Variants in CADM2 observed in about 807,000 individuals in gnomAD.
CADM2 encodes the protein cell adhesion molecule 2, also known as immunoglobulin superfamily member 4D.
A neutral mutation model predicts 49.8 loss-of-function variants in CADM2; 12 were observed. That is an observed-to-expected ratio of 0.24 (90% CI 0.15 to 0.39). The LOEUF is 0.39. Ranked by LOEUF, CADM2 falls within the 10% of genes least tolerant of loss-of-function variation. The probability of loss-of-function intolerance (pLI) is 1.00; values close to 1 mark genes in which losing one functional copy is unlikely to be tolerated. For missense variants in CADM2, 378 were observed against 492.3 expected (o/e 0.77, Z 2.20); for synonymous variants, 214 against 175.4 (o/e 1.22, Z -1.74).
At chr3:85,487,533 TGGAGGAGGAGGACGA>T (rs1182607894) in intron 1 of CADM2, among the ~76,000 whole-genome samples, 2 of 128,726 alleles carry the variant, frequency 1.6e-5, no homozygotes, top group African/African-American at 6.1e-5. Context: ...AAGGAGGAAG[TGGAGGAGGAGGACGA>T]GGAGGAGGAG....
At position 86,044,485 on chromosome 3, in the gene CADM2, A is replaced by G. The variant is rs1204961144; in HGVS notation, c.971-21120A>G. On this transcript the variant is annotated intron_variant, in intron 8 of 9. Transcript: ENST00000383699. ...ATGCTCATCATCACTGGCCATCAGA[A>G]AAATGCAAATCAAAACCACAATGAG... Among the ~76,000 whole-genome samples, 8 of 152,278 alleles carry G rather than the reference A, an allele frequency of 5.3e-5. No homozygotes were observed. The East Asian group carries it at 7.7e-4, about 15-fold the overall frequency.
In CADM2 at chr3:86,073,854, C is replaced by A. The variant is rs193103133; in HGVS notation, c.*7071C>A. The A allele has an allele frequency of 1.3e-5, 2 of 151,950 alleles. No individual in the cohort carries two copies. Among genetic ancestry groups the A allele is most frequent in the Non-Finnish European group, 2.9e-5 (2 of 67,850 alleles). 9.4% of individuals were successfully genotyped at this position (151,950 alleles called of 1,614,324 possible). A position where few individuals can be genotyped will look rare whatever the true frequency, so the allele number is the denominator to read the frequency against. The stretch of plus-strand genomic sequence containing the variant: ...TCCATTTTAGTTTTCCTCGATGATG[C>A]CCATTTTCTTTGTAAATTTCTAAGT... On this transcript the variant is annotated 3_prime_UTR_variant, in exon 10 of 10. Coordinates refer to ENST00000383699, the MANE Select transcript of CADM2 (RefSeq NM_001167675.2).
chr3:85,594,583 AAG>A (rs199863628), intron 1 of CADM2, among the ~76,000 whole-genome samples: 2 of 151,842 alleles, frequency 1.3e-5, no homozygotes, highest in East Asian at 3.9e-4. Context: ...TCCAAGTAAA[AAG>A]AGAGAGAGAG....
At position 85,954,542 on chromosome 3, in the gene CADM2, C is replaced by A. The variant is rs189030320; in HGVS notation, c.792-6927C>A. 1.7e-3 allele frequency among the ~76,000 whole-genome samples: 261 copies of A among 151,202 alleles called. 2 individuals are homozygous for A. Among genetic ancestry groups the A allele is most frequent in the African/African-American group, 6.2e-3 (257 of 41,416 alleles). The stretch of plus-strand genomic sequence containing the variant: ...TTAATTTTTTAAAAAAGCTACCAAG[C>A]AACCCCAGCTTCTAATATTTCTCCT... On this transcript the variant is annotated intron_variant, in intron 7 of 9. Transcript: ENST00000383699.
chr3:86,071,321 T>G lies in CADM2; in HGVS notation c.*4538T>G, dbSNP rs1437707641. Reference sequence around the variant, plus strand: ...TTTAAAATATCTTTTCTTTTTCTATTCATTTTTTCCCTTTCTCTCTCTATT... The same window carrying G: ...TTTAAAATATCTTTTCTTTTTCTATGCATTTTTTCCCTTTCTCTCTCTATT... On this transcript the variant is annotated 3_prime_UTR_variant, in exon 10 of 10. Transcript: ENST00000383699. The G allele has an allele frequency of 2.0e-5, 3 of 151,908 alleles. No individual in the cohort carries two copies. Among genetic ancestry groups the G allele is most frequent in the Non-Finnish European group, 4.4e-5 (3 of 67,816 alleles). The allele number at this position is 151,908 out of a possible 1,614,324, so 9.4% of individuals were successfully genotyped here.
intron 1 of CADM2, among the ~76,000 whole-genome samples, chr3:85,657,101 C>T (rs768448879): frequency 2.6e-5 from 4 of 152,172 alleles, no homozygotes; most frequent in East Asian, 1.9e-4. Flanking sequence ...ATCTCCTCTA[C>T]GAGGGCTTTT....
chr3:85,898,825 G>C (rs1334895398), intron 5 of CADM2, among the ~76,000 whole-genome samples: 4 of 149,832 alleles, frequency 2.7e-5, no homozygotes, highest in Admixed American at 2.7e-4. Flanking sequence ...TTAGGCAAAT[G>C]CCTAGATGCA....
At chr3:85,213,048 A>C (rs2107774222) in intron 1 of CADM2, among the ~76,000 whole-genome samples, 1 of 151,484 alleles carries the variant, frequency 6.6e-6, no homozygotes, top group Non-Finnish European at 1.5e-5. Flanking sequence ...ACACCTTGCT[A>C]TTTTTTGAAT....
intron 8 of CADM2, among the ~76,000 whole-genome samples, chr3:85,984,562 TCTAAG>T (rs937352415): frequency 6.6e-6 from 1 of 151,840 alleles, no homozygotes; most frequent in Non-Finnish European, 1.5e-5. Flanking sequence ...CAGAAAATTT[TCTAAG>T]CTAACAATTG....
chr3:85,193,595 G>A (rs966817099), intron 1 of CADM2, among the ~76,000 whole-genome samples: 1 of 151,976 alleles, frequency 6.6e-6, no homozygotes, highest in East Asian at 1.9e-4. Context: ...TCTATCCATT[G>A]CTGCTTTCCA....
chr3:85,354,995 A>T (rs1357564626), intron 1 of CADM2, among the ~76,000 whole-genome samples: 1 of 152,034 alleles, frequency 6.6e-6, no homozygotes, highest in Non-Finnish European at 1.5e-5. Context: ...CATTAGCTTG[A>T]CCCATGCTAA....
At chr3:85,726,134 A>C (rs1205564162) in intron 1 of CADM2, among the ~76,000 whole-genome samples, 1 of 151,998 alleles carries the variant, frequency 6.6e-6, no homozygotes, top group Non-Finnish European at 1.5e-5. Flanking sequence ...TTTTCTAGTT[A>C]CTCAAATATC....
At chr3:85,034,685 G>T (rs1411651783) in intron 1 of CADM2, among the ~76,000 whole-genome samples, 1 of 151,016 alleles carries the variant, frequency 6.6e-6, no homozygotes, top group Non-Finnish European at 1.5e-5. Flanking sequence ...TCTCCATAAT[G>T]GTTGTACTAA....
At chr3:85,664,763 G>A (rs1448052543) in intron 1 of CADM2, among the ~76,000 whole-genome samples, 1 of 151,862 alleles carries the variant, frequency 6.6e-6, no homozygotes, top group Non-Finnish European at 1.5e-5. Context: ...TCAGACATTT[G>A]CTGTCTCTTA....
intron 2 of CADM2, among the ~76,000 whole-genome samples, chr3:85,789,461 C>G (rs1577316156): frequency 6.6e-6 from 1 of 152,026 alleles, no homozygotes; most frequent in East Asian, 1.9e-4. Context: ...ATTTTAAAAC[C>G]CTCTTATTCT....
chr3:85,809,952 G>A (rs1217787765), intron 3 of CADM2, among the ~76,000 whole-genome samples: 1 of 151,800 alleles, frequency 6.6e-6, no homozygotes, highest in African/African-American at 2.4e-5. Context: ...GCAAGTGCAT[G>A]CATATTGAAT....
intron 8 of CADM2, among the ~76,000 whole-genome samples, chr3:86,049,290 T>G (rs1214364767): frequency 1.3e-5 from 2 of 151,446 alleles, no homozygotes; most frequent in Admixed American, 1.3e-4. Flanking sequence ...TATTTTTTTT[T>G]TTGAGACAGA....
chr3:85,961,667 CATTATATGTGA>C lies in CADM2; in HGVS notation c.970+22_970+32del, dbSNP rs756493443. The C allele has an allele frequency of 2.0e-6, 3 of 1,502,400 alleles. No individual in the cohort carries two copies. The highest frequency in any genetic ancestry group is 2.7e-6 in the Non-Finnish European group (3 of 1,107,920). 93.1% of individuals were successfully genotyped at this position (1,502,400 alleles called of 1,614,324 possible). ...TGCATGGTGAGTAAATTTTGGAAAA[CATTATATGTGA>C]AAGGATGCATAACTTGAAAAACTAT... On this transcript the variant is annotated intron_variant, in intron 8 of 9. Coordinates refer to ENST00000383699, the MANE Select transcript of CADM2 (RefSeq NM_001167675.2).
intron 1 of CADM2, among the ~76,000 whole-genome samples, chr3:85,367,300 A>C (rs569364513): frequency 3.6e-4 from 55 of 152,168 alleles, no homozygotes; most frequent in Non-Finnish European, 7.1e-4. Context: ...TTTTGTACCT[A>C]TCTGACACTA....
Sources: allele counts gnomAD v4.1 joint callset (sites outside exome capture counted in the v4.1 genomes callset), GRCh38; gene constraint gnomAD v4.1.1; transcripts MANE v1.5; gene names NCBI Gene and HGNC (gene_info 2026-07-23, HGNC 2026-07-21).